Variants in EVC2 observed in about 807,000 individuals in gnomAD.
The protein encoded by EVC2 is EvC ciliary complex subunit 2, also known as limbin.
Under a neutral mutation model 149.3 loss-of-function variants are expected in EVC2, and 148 were observed. The observed-to-expected ratio is 0.99, with a 90% confidence interval of 0.87 to 1.14. The LOEUF (loss-of-function observed/expected upper bound fraction) is 1.14, where lower values mean the gene tolerates loss of function less well. Ranked by LOEUF, EVC2 falls within the 50% of genes most tolerant of loss-of-function variation. EVC2 has a pLI of 0.00. For synonymous variants in EVC2, 776 were observed against 649.9 expected (o/e 1.19, Z -2.95); for missense variants, 1,854 against 1,627.3 (o/e 1.14, Z -2.40).
chr4:5,698,502 A>G (rs41450747), intron 1 of EVC2, among the ~76,000 whole-genome samples: 22,089 of 152,074 alleles, frequency 0.15, 1,782 homozygotes, highest in South Asian at 0.2. Context: ...TGGTGATGAA[A>G]ATTTGTCTAA....
intron 20 of EVC2, among the ~76,000 whole-genome samples, chr4:5,566,833 C>T (rs949699441): frequency 5.3e-5 from 8 of 152,070 alleles, no homozygotes; most frequent in African/African-American, 1.2e-4. Flanking sequence ...GGTAGGCAGG[C>T]AGAAGTGGCC....
Position 5,618,644 on chromosome 4 carries a change from T to A in EVC2, c.2540A>T (p.Glu847Val), listed in dbSNP as rs1715453004. Residue 847 changes from glutamate to valine, a missense_variant, in exon 15 of 22, where the codon GAG (glutamate) becomes GTG (valine). Transcript: ENST00000344408. This position sits in a 1 kb window ranked among gnomAD's most constrained non-coding sequence, Gnocchi z 4.4. ...CSSVFSLSEE[E>V]LLRMRQEVHG... is the part of the protein sequence containing the mutation. ...GACCTCCTGCCTCATCCTGAGCAGC[T>A]CCTCTTCAGACAGGGAGAAGACTGA... The A allele has an allele frequency of 1.9e-6, 3 of 1,610,286 alleles. No homozygotes were observed. Among genetic ancestry groups the A allele is most frequent in the African/African-American group, 1.3e-5 (1 of 74,798 alleles).
At chr4:5,602,528 G>A (rs991457663) in intron 16 of EVC2, among the ~76,000 whole-genome samples, 4 of 151,804 alleles carry the variant, frequency 2.6e-5, no homozygotes, top group African/African-American at 9.7e-5. Context: ...GATGAGGAAA[G>A]AGCTGATAAG....
At chr4:5,697,729 C>T (rs899132688) in intron 1 of EVC2, 82 bp from the exon 2 acceptor site, 22 of 1,278,636 alleles carry the variant, frequency 1.7e-5, no homozygotes, top group East Asian at 2.4e-5. Flanking sequence ...AAATGACTCA[C>T]ATGGAGAGGA....
At chr4:5,691,053 TGACA>T (rs1721085774) in intron 4 of EVC2, among the ~76,000 whole-genome samples, 1 of 152,242 alleles carries the variant, frequency 6.6e-6, no homozygotes, top group Admixed American at 6.5e-5. Context: ...GGATTTTTAC[TGACA>T]ATTATTTAAT....
At chr4:5,658,879 C>T (rs1343359386) in intron 9 of EVC2, among the ~76,000 whole-genome samples, 4 of 152,178 alleles carry the variant, frequency 2.6e-5, no homozygotes, top group South Asian at 4.1e-4. Flanking sequence ...AAAACATGCT[C>T]GGCACTCCAT....
rs1716979275 is a variant in EVC2 at position 5,637,700 on chromosome 4, G to A, written c.1470+2814C>T. The stretch of plus-strand genomic sequence containing the variant: ...GCTGGCAACTGAGGGCAGGTGTGAA[G>A]GCTGCCTGAGCCATCCCTGTATCTC... On this transcript the variant is annotated intron_variant, in intron 10 of 21. Coordinates refer to ENST00000344408, the MANE Select transcript of EVC2 (RefSeq NM_147127.5). This position sits in a 1 kb window ranked among gnomAD's most constrained non-coding sequence, Gnocchi z 4.4. 6.6e-6 allele frequency among the ~76,000 whole-genome samples: 1 copy of A among 152,140 alleles called. No homozygotes were observed. The highest frequency in any genetic ancestry group is 1.5e-5 in the Non-Finnish European group (1 of 68,022).
Position 5,576,199 on chromosome 4 carries a change from G to T in EVC2, c.3272+41C>A. On this transcript the variant is annotated intron_variant, in intron 18 of 21. Transcript: ENST00000344408. The surrounding 1 kb of genome is among the most constrained non-coding windows in gnomAD (Gnocchi z 4.5). ...AGATGCCAGGTTCTCCAGGACTGCT[G>T]GGGACTAATATCTTTGAGTGCTACG... 1 of 1,613,912 alleles carries T rather than the reference G, an allele frequency of 6.2e-7. No homozygotes were observed.
Position 5,637,482 on chromosome 4 carries a change from C to T in EVC2, c.1470+3032G>A, listed in dbSNP as rs1716964117. On this transcript the variant is annotated intron_variant, in intron 10 of 21. Coordinates refer to ENST00000344408, the MANE Select transcript of EVC2 (RefSeq NM_147127.5). This position sits in a 1 kb window ranked among gnomAD's most constrained non-coding sequence, Gnocchi z 4.4. ...TCAATGGGATGTGCTTGGAACAATG[C>T]CAGACACACCATGCATGCTAAGGAA... Among the ~76,000 whole-genome samples the T allele has an allele frequency of 6.6e-6, 1 of 152,092 alleles. No individual in the cohort carries two copies. The highest frequency in any genetic ancestry group is 1.5e-5 in the Non-Finnish European group (1 of 68,022).
chr4:5,643,389 T>C (rs1046002110), intron 9 of EVC2, among the ~76,000 whole-genome samples: 3 of 145,726 alleles, frequency 2.1e-5, no homozygotes, highest in Admixed American at 6.7e-5. Context: ...CATGTAATTG[T>C]TTTTTTCACA....
intron 9 of EVC2, among the ~76,000 whole-genome samples, chr4:5,647,381 T>G (rs1341906180): frequency 1.3e-5 from 2 of 152,252 alleles, no homozygotes; most frequent in Non-Finnish European, 2.9e-5. Flanking sequence ...TTATTCTTTT[T>G]GATGCTCGAA....
chr4:5,575,496 G>C (rs1031677986), intron 18 of EVC2, among the ~76,000 whole-genome samples: 1 of 152,186 alleles, frequency 6.6e-6, no homozygotes, highest in Non-Finnish European at 1.5e-5. Flanking sequence ...AGAAGAGCGT[G>C]ATAGGATGAA....
At chr4:5,639,310 G>A (rs973885145) in intron 10 of EVC2, among the ~76,000 whole-genome samples, 9 of 152,192 alleles carry the variant, frequency 5.9e-5, no homozygotes, top group African/African-American at 1.4e-4. Flanking sequence ...CACATGAAAT[G>A]AATAAGCCAT....
chr4:5,562,902 T>C lies in EVC2; in HGVS notation c.3873A>G (p.Lys1291=). 3 of 1,614,174 alleles carry C rather than the reference T, an allele frequency of 1.9e-6. No homozygotes were observed. The highest frequency in any genetic ancestry group is 2.5e-6 in the Non-Finnish European group (3 of 1,180,028). The change falls in exon 22 of 22, where the codon AAA becomes AAG. Residue 1291 remains lysine, a synonymous_variant. Coordinates refer to ENST00000344408, the MANE Select transcript of EVC2 (RefSeq NM_147127.5). This position sits in a 1 kb window ranked among gnomAD's most constrained non-coding sequence, Gnocchi z 4.3. ...TTTTGGCATTCAAAAAGTTCTTCTTTTTCCTGGGAGGAACGTGCAGTGAGA... is the reference window on the plus strand; with the variant it reads ...TTTTGGCATTCAAAAAGTTCTTCTTCTTCCTGGGAGGAACGTGCAGTGAGA... ...PEISLHVPPR[K]KKNFLNAKKA...
At chr4:5,708,605 C>T (rs1722376235), upstream of EVC2, 4 of 937,234 alleles carry the variant, frequency 4.3e-6, no homozygotes, top group Admixed American at 8.5e-5. Context: ...CGAGCATGCT[C>T]AGTGCGAGCC....
chr4:5,617,112 T>G (rs1715316605), intron 15 of EVC2, among the ~76,000 whole-genome samples: 1 of 150,768 alleles, frequency 6.6e-6, no homozygotes. Flanking sequence ...AAAAAAAAAA[T>G]TAAAAGAATG....
chr4:5,654,788 T>C (rs2108884195), intron 9 of EVC2, among the ~76,000 whole-genome samples: 1 of 152,224 alleles, frequency 6.6e-6, no homozygotes, highest in South Asian at 2.1e-4. Flanking sequence ...GTCAGGCCCC[T>C]ATGGCCATAA....
chr4:5,591,382 C>G (rs1024813168), intron 16 of EVC2, among the ~76,000 whole-genome samples: 3 of 152,166 alleles, frequency 2.0e-5, no homozygotes, highest in East Asian at 1.9e-4. Context: ...CATGCTTCAG[C>G]TGACAGAAGT....
chr4:5,642,997 G>A (rs73063802), intron 9 of EVC2, among the ~76,000 whole-genome samples: 2,593 of 152,270 alleles, frequency 0.017, 75 homozygotes, highest in African/African-American at 0.059. Flanking sequence ...GTCATACGCA[G>A]ACAGACCGAT....
Sources: gnomAD v4.1 joint callset for allele counts (sites outside exome capture counted in the v4.1 genomes callset) on GRCh38, gnomAD v4.1.1 for gene constraint, Gnocchi (gnomAD v3.1) non-coding constraint, MANE v1.5 for transcripts, NCBI Gene and HGNC (gene_info 2026-07-23, HGNC 2026-07-21) for gene names.